The following DLG2 variants were observed in gnomAD, a reference collection of about 807,000 sequenced individuals.
DLG2 encodes discs large MAGUK scaffold protein 2, also known as disks large homolog 2.
In DLG2, 45 loss-of-function variants were observed where a neutral mutation model predicts 132.5. The observed-to-expected ratio is 0.34, with a 90% CI of 0.27 to 0.44. DLG2 has a LOEUF of 0.44. Ranked by LOEUF, DLG2 falls within the 20% of genes least tolerant of loss-of-function variation. The probability of loss-of-function intolerance (pLI) is 1.00; values close to 1 mark genes in which losing one functional copy is unlikely to be tolerated. For missense variants in DLG2, 1,045 were observed against 1,196.9 expected (o/e 0.87, Z 1.87); for synonymous variants, 424 against 419.6 (o/e 1.01, Z -0.13).
chr11:83,913,335 A>G (rs2076383674), intron 15 of DLG2, among the ~76,000 whole-genome samples: 3 of 152,088 alleles, frequency 2.0e-5, no homozygotes, highest in Non-Finnish European at 4.4e-5. Flanking sequence ...CTCTTATGGG[A>G]GTAAATAAAT....
At chr11:84,917,464 TAGA>T (rs2154081452) in intron 6 of DLG2, among the ~76,000 whole-genome samples, 1 of 152,366 alleles carries the variant, frequency 6.6e-6, no homozygotes, top group Non-Finnish European at 1.5e-5. Flanking sequence ...AGACTTGGTT[TAGA>T]AGGTGACTTC....
At position 85,033,386 on chromosome 11, in the gene DLG2, CAAAAAAAA is replaced by C. The variant is rs750024023; in HGVS notation, c.357+78267_357+78274del. On this transcript the variant is annotated intron_variant, in intron 6 of 27. Transcript: ENST00000376104. ...CTGCATTTCAAACAATATATCCTAG[CAAAAAAAA>C]AAAAAAAAAAAAAATTCATACAAGC... 3.0e-4 allele frequency among the ~76,000 whole-genome samples: 24 copies of C among 80,858 alleles called. No individual in the cohort carries two copies. The South Asian group carries it at 6.6e-3, about 22-fold the overall frequency. 53.0% of individuals were successfully genotyped at this position (80,858 alleles called of 152,430 possible).
chr11:84,127,562 T>C lies in DLG2; in HGVS notation c.625-28515A>G, dbSNP rs537654848. Among the ~76,000 whole-genome samples, 11 of 152,314 alleles carry C rather than the reference T, an allele frequency of 7.2e-5. No homozygotes were observed. In the East Asian group the frequency reaches 1.7e-3, roughly 24 times the overall value. On this transcript the variant is annotated intron_variant, in intron 9 of 27. Transcript: ENST00000376104. Reference sequence around the variant, plus strand: ...ATTTGTCGGTAATCTTTGGTATTCCTTGGCTTGGCAGATGCATCACTCTGA... The same window carrying C: ...ATTTGTCGGTAATCTTTGGTATTCCCTGGCTTGGCAGATGCATCACTCTGA...
intron 3 of DLG2, among the ~76,000 whole-genome samples, chr11:85,528,183 GT>G (rs2074930963): frequency 6.6e-6 from 1 of 152,162 alleles, no homozygotes; most frequent in South Asian, 2.1e-4. Flanking sequence ...ACGCTCTTTA[GT>G]TTAATTAGAT....
At chr11:83,556,369 T>C (rs1015201533) in intron 19 of DLG2, among the ~76,000 whole-genome samples, 1 of 127,812 alleles carries the variant, frequency 7.8e-6, no homozygotes. Context: ...AGTTTTGTCC[T>C]TTTTCTTTCT....
At chr11:83,545,579 T>A (rs1222656751) in intron 19 of DLG2, among the ~76,000 whole-genome samples, 1 of 152,136 alleles carries the variant, frequency 6.6e-6, no homozygotes, top group Non-Finnish European at 1.5e-5. Flanking sequence ...TCTTCTTTCA[T>A]GTCTCTGCAT....
At chr11:84,560,219 A>G (rs556785263) in intron 6 of DLG2, among the ~76,000 whole-genome samples, 1 of 152,246 alleles carries the variant, frequency 6.6e-6, no homozygotes, top group East Asian at 1.9e-4. Flanking sequence ...ATTTTAGCCA[A>G]TGTTCTCAAA....
intron 18 of DLG2, among the ~76,000 whole-genome samples, chr11:83,702,381 T>C (rs1260862200): frequency 6.6e-6 from 1 of 152,186 alleles, no homozygotes; most frequent in African/African-American, 2.4e-5. Context: ...TACAAAAAGG[T>C]AGAATGTGAC....
chr11:84,892,962 G>C (rs548629118), intron 6 of DLG2, among the ~76,000 whole-genome samples: 1 of 152,030 alleles, frequency 6.6e-6, no homozygotes, highest in Non-Finnish European at 1.5e-5. Flanking sequence ...CTCAAGTGAA[G>C]GTAAGAGACT....
At position 84,337,624 on chromosome 11, in the gene DLG2, A is replaced by T. The variant is rs1288996719; in HGVS notation, c.520-86333T>A. Among the ~76,000 whole-genome samples, 6 of 152,278 alleles carry T rather than the reference A, an allele frequency of 3.9e-5. No homozygotes were observed. The East Asian group carries it at 9.7e-4, about 25-fold the overall frequency. On this transcript the variant is annotated intron_variant, in intron 7 of 27. Coordinates refer to ENST00000376104, the MANE Select transcript of DLG2 (RefSeq NM_001142699.3). ...TTCTCAGTAGAATTTGTAGAAAAAA[A>T]TAGTCTAAATGACTATATAATTTGG...
intron 6 of DLG2, among the ~76,000 whole-genome samples, chr11:85,110,811 C>T (rs968667529): frequency 4.6e-5 from 7 of 152,130 alleles, no homozygotes; most frequent in Non-Finnish European, 8.8e-5. Flanking sequence ...GGAAGCTCCA[C>T]ATATTACTTT....
chr11:85,417,239 A>T (rs565939485), intron 3 of DLG2, among the ~76,000 whole-genome samples: 1 of 152,178 alleles, frequency 6.6e-6, no homozygotes, highest in African/African-American at 2.4e-5. Context: ...TATGTGATTA[A>T]TAACTTGTAT....
At chr11:84,366,932 G>T (rs565526966) in intron 7 of DLG2, among the ~76,000 whole-genome samples, 105 of 152,104 alleles carry the variant, frequency 6.9e-4, no homozygotes, top group African/African-American at 2.4e-3. Context: ...GGATACCCAG[G>T]AATTGAACTC....
At chr11:84,933,650 C>T (rs1041631698) in intron 6 of DLG2, among the ~76,000 whole-genome samples, 6 of 151,966 alleles carry the variant, frequency 3.9e-5, no homozygotes, top group South Asian at 2.1e-4. Context: ...ATTCATGATT[C>T]GGCTCTCAGC....
At chr11:85,266,342 T>C (rs944285602) in intron 4 of DLG2, among the ~76,000 whole-genome samples, 18 of 152,214 alleles carry the variant, frequency 1.2e-4, no homozygotes. Flanking sequence ...GCCATTCCCA[T>C]ACTTGTGTGC....
chr11:84,961,624 C>G (rs1236979728), intron 6 of DLG2, among the ~76,000 whole-genome samples: 1 of 151,370 alleles, frequency 6.6e-6, no homozygotes, highest in Admixed American at 6.6e-5. Context: ...TTAGTTCATT[C>G]ATCCATTCAC....
At position 85,533,725 on chromosome 11, in the gene DLG2, C is replaced by G. The variant is rs2075376741; in HGVS notation, c.40+64932G>C. Reference sequence around the variant, plus strand: ...CTTTCCCCTTATTGGTTTGTTTGATCTACCTCTTGTAAGAATCTATCTGGA... The same window carrying G: ...CTTTCCCCTTATTGGTTTGTTTGATGTACCTCTTGTAAGAATCTATCTGGA... On this transcript the variant is annotated intron_variant, in intron 3 of 27. Coordinates refer to ENST00000376104, the MANE Select transcript of DLG2 (RefSeq NM_001142699.3). Among the ~76,000 whole-genome samples the G allele has an allele frequency of 3.3e-5, 5 of 152,092 alleles. No individual in the cohort carries two copies. In the South Asian group the frequency reaches 1.0e-3, roughly 32 times the overall value.
chr11:83,660,939 T>A (rs556419300), intron 18 of DLG2, among the ~76,000 whole-genome samples: 4 of 152,292 alleles, frequency 2.6e-5, no homozygotes, highest in Admixed American at 2.6e-4. Context: ...ATCAAGCACC[T>A]GCTTAGTGTT....
At chr11:83,893,063 C>G (rs2070438580) in intron 15 of DLG2, among the ~76,000 whole-genome samples, 1 of 152,106 alleles carries the variant, frequency 6.6e-6, no homozygotes, top group Non-Finnish European at 1.5e-5. Flanking sequence ...GATTTATTTT[C>G]CATCATACTC....
Sources: gnomAD v4.1 joint callset for allele counts (sites outside exome capture counted in the v4.1 genomes callset) on GRCh38, gnomAD v4.1.1 for gene constraint, MANE v1.5 for transcripts, NCBI Gene and HGNC (gene_info 2026-07-23, HGNC 2026-07-21) for gene names.